The following TCF12 variants were observed in gnomAD, a reference collection of about 807,000 sequenced individuals.
TCF12 encodes transcription factor 12.
TCF12 carries 45 observed loss-of-function variants against 86.0 expected under a neutral mutation model. That is an observed-to-expected ratio of 0.52 (90% CI 0.41 to 0.67). The LOEUF (loss-of-function observed/expected upper bound fraction) is 0.67. Among genes scored for constraint, TCF12 ranks in the 30% least tolerant of loss-of-function variants. The pLI is 0.00. For missense variants in TCF12, 881 were observed against 859.9 expected, an observed-to-expected ratio of 1.02 and a Z score of -0.31; for synonymous variants, 330 against 299.6, an observed-to-expected ratio of 1.10 and a Z score of -1.05.
chr15:57,162,532 G>A (rs1459438967), intron 5 of TCF12, among the ~76,000 whole-genome samples: 1 of 152,134 alleles, frequency 6.6e-6, no homozygotes, highest in Non-Finnish European at 1.5e-5. Flanking sequence ...TATTTGAATA[G>A]ATTAAGTATC....
intron 18 of TCF12, among the ~76,000 whole-genome samples, chr15:57,268,509 T>G (rs1315864567): frequency 1.3e-5 from 2 of 152,108 alleles, no homozygotes; most frequent in Non-Finnish European, 2.9e-5. Context: ...CGCCTCAGCT[T>G]CCCAAACCAC....
intron 19 of TCF12, 62 bp from the exon 20 acceptor site, chr15:57,282,383 A>G (rs1048734451): frequency 1.9e-6 from 3 of 1,595,518 alleles, no homozygotes; most frequent in Non-Finnish European, 2.6e-6. Context: ...CAATTTGTTC[A>G]GCTTGAGACC....
Position 57,014,898 on chromosome 15 carries a change from A to G in TCF12, c.149-48852A>G, listed in dbSNP as rs557073499. Among the ~76,000 whole-genome samples the G allele has an allele frequency of 1.1e-3, 160 of 142,990 alleles. 1 individual carries two copies. Among genetic ancestry groups the G allele is most frequent in the African/African-American group, 3.5e-3 (126 of 35,848 alleles). The allele number at this position is 142,990 out of a possible 152,430, so 93.8% of individuals were successfully genotyped here. On this transcript the variant is annotated intron_variant, in intron 3 of 20. Coordinates refer to ENST00000333725, the MANE Select transcript of TCF12 (RefSeq NM_207037.2). Reference sequence around the variant, plus strand: ...TATTATTATTATTATTATTATTGTTATTATTATTATTATTATTAATGTTCT... The same window carrying G: ...TATTATTATTATTATTATTATTGTTGTTATTATTATTATTATTAATGTTCT...
chr15:56,922,108 C>A (rs1449534354), intron 3 of TCF12, among the ~76,000 whole-genome samples: 1 of 151,900 alleles, frequency 6.6e-6, no homozygotes, highest in Non-Finnish European at 1.5e-5. Context: ...TACTGGTAAT[C>A]ATTTGAAAAT....
intron 5 of TCF12, among the ~76,000 whole-genome samples, chr15:57,165,034 T>G (rs12442042): frequency 0.04 from 6,148 of 152,206 alleles, 376 homozygotes; most frequent in Admixed American, 0.17. Flanking sequence ...CGTGGTGACT[T>G]CTGAGAATAA....
At chr15:57,086,778 T>A (rs1427953437) in intron 4 of TCF12, among the ~76,000 whole-genome samples, 2 of 151,786 alleles carry the variant, frequency 1.3e-5, no homozygotes, top group Non-Finnish European at 2.9e-5. Context: ...AAACAGTGGT[T>A]TCTTTTTTTT....
intron 19 of TCF12, among the ~76,000 whole-genome samples, chr15:57,273,526 A>G (rs757088441): frequency 6.6e-6 from 1 of 152,074 alleles, no homozygotes; most frequent in African/African-American, 2.4e-5. Flanking sequence ...CTGCTCAGCA[A>G]TAGTGCTTTG....
At chr15:57,049,590 A>G (rs1340369063) in intron 3 of TCF12, among the ~76,000 whole-genome samples, 1 of 152,200 alleles carries the variant, frequency 6.6e-6, no homozygotes, top group East Asian at 1.9e-4. Flanking sequence ...TCAATAAACC[A>G]TCATACATTT....
At chr15:57,253,522 T>C (rs2060213507) in intron 16 of TCF12, 54 bp downstream of exon 16, 4 of 1,579,280 alleles carry the variant, frequency 2.5e-6, no homozygotes, top group Non-Finnish European at 3.5e-6. Context: ...TTGTCCTAAA[T>C]GTCTTTAATG....
At position 57,252,450 on chromosome 15, in the gene TCF12, G is replaced by A. The variant is rs142952705; in HGVS notation, c.1218G>A (p.Glu406=). 7.4e-6 allele frequency: 12 copies of A among 1,613,802 alleles called. No homozygotes were observed. The highest frequency in any genetic ancestry group is 2.2e-5 in the East Asian group (1 of 44,854). ...ATCGAGTTGAGCAGCAACTTCACGA[G>A]CATTTGCAAGATGCAATGTCCTTCT... ...LKNRVEQQLH[E]HLQDAMSFLK... is the part of the protein sequence containing the mutation. The change falls in exon 15 of 21, where the codon GAG becomes GAA. Residue 406 remains glutamate (E), a synonymous_variant. Coordinates refer to ENST00000333725, the MANE Select transcript of TCF12 (RefSeq NM_207037.2).
Position 57,242,977 on chromosome 15 carries a change from GT to G in TCF12, c.1036-494del, listed in dbSNP as rs531461431. Among the ~76,000 whole-genome samples, 21 of 152,296 alleles carry G rather than the reference GT, an allele frequency of 1.4e-4. No homozygotes were observed. In the South Asian group the frequency reaches 4.3e-3, roughly 32 times the overall value. On this transcript the variant is annotated intron_variant, in intron 12 of 20. Coordinates refer to ENST00000333725, the MANE Select transcript of TCF12 (RefSeq NM_207037.2). The stretch of plus-strand genomic sequence containing the variant: ...ATTTGGAGCTAAAATTGGCAAAAAT[GT>G]GGTTGATCAAACTGAGTAACTTTTT...
intron 17 of TCF12, 145 bp from the exon 18 acceptor site, chr15:57,262,967 G>A (rs2060657685): frequency 3.9e-6 from 3 of 762,654 alleles, no homozygotes; most frequent in South Asian, 4.2e-5. Context: ...GCTCTAAATA[G>A]TATACTTTCC....
At chr15:57,209,397 A>G (rs1487958587) in intron 8 of TCF12, among the ~76,000 whole-genome samples, 1 of 152,234 alleles carries the variant, frequency 6.6e-6, no homozygotes, top group Non-Finnish European at 1.5e-5. Flanking sequence ...AGGATGACCT[A>G]ATTAAAAATA....
rs776165130 is a variant in TCF12 at position 56,951,239 on chromosome 15, TTAGAA to T, written c.148+30145_148+30149del. Among the ~76,000 whole-genome samples the T allele has an allele frequency of 7.9e-5, 12 of 152,342 alleles. No homozygotes were observed. In the South Asian group the frequency reaches 8.3e-4, roughly 11 times the overall value. ...TGGTTATTCATTTTAATTTTAGCCA[TTAGAA>T]TAGGTCTGCAGTGCTGTCTCACTGT... On this transcript the variant is annotated intron_variant, in intron 3 of 20. Coordinates refer to ENST00000333725, the MANE Select transcript of TCF12 (RefSeq NM_207037.2).
intron 5 of TCF12, among the ~76,000 whole-genome samples, chr15:57,150,937 T>A (rs1289072994): frequency 1.5e-5 from 2 of 129,674 alleles, no homozygotes; most frequent in Non-Finnish European, 3.2e-5. Context: ...CTTCCTTCCT[T>A]CTTCCCTTCC....
intron 4 of TCF12, among the ~76,000 whole-genome samples, chr15:57,075,836 T>TCTCTCTCTCTCTCTC: frequency 4.5e-5 from 1 of 22,382 alleles, no homozygotes; most frequent in Non-Finnish European, 1.0e-4. Context: ...CTCTCTCTCT[T>TCTCTCTCTCTCTCTC]TTCTTTCTTT....
intron 5 of TCF12, among the ~76,000 whole-genome samples, chr15:57,107,729 T>TTAA (rs1292972731): frequency 9.2e-5 from 14 of 151,590 alleles, no homozygotes; most frequent in East Asian, 1.9e-4. Flanking sequence ...TACAAAATAA[T>TTAA]TAATAATAAT....
At chr15:56,932,182 T>C (rs1311724880) in intron 3 of TCF12, among the ~76,000 whole-genome samples, 1 of 152,216 alleles carries the variant, frequency 6.6e-6, no homozygotes, top group Non-Finnish European at 1.5e-5. Context: ...AATCTTATTG[T>C]TTTAAAACAA....
intron 6 of TCF12, among the ~76,000 whole-genome samples, chr15:57,177,607 C>CGAGAGAGAGAGAGAGAGAGAGAGAGAGA (rs1567572655): frequency 4.0e-4 from 2 of 5,000 alleles, no homozygotes; most frequent in South Asian, 0.017. Flanking sequence ...TGTTAAAAGG[C>CGAGAGAGAGAGAGAGAGAGAGAGAGAGA]CAGAGAGAGA....
Sources: gnomAD v4.1 joint callset for allele counts (sites outside exome capture counted in the v4.1 genomes callset) on GRCh38, gnomAD v4.1.1 for gene constraint, MANE v1.5 for transcripts, NCBI Gene and HGNC (gene_info 2026-07-23, HGNC 2026-07-21) for gene names.